The following HERC1 variants were observed in gnomAD, a reference collection of about 807,000 sequenced individuals.
The protein encoded by HERC1 is probable E3 ubiquitin-protein ligase HERC1.
A neutral mutation model predicts 554.3 loss-of-function variants in HERC1; 160 were observed. The observed-to-expected ratio is 0.29, with a 90% CI of 0.25 to 0.33. The LOEUF is 0.33. HERC1 is among the 10% of genes least tolerant of loss of function. HERC1 has a pLI of 1.00. For missense variants in HERC1, 4,919 were observed against 5,918.5 expected, an observed-to-expected ratio of 0.83 and a Z score of 5.54; for synonymous variants, 2,175 against 2,131.7, an observed-to-expected ratio of 1.02 and a Z score of -0.56.
intron 33 of HERC1, among the ~76,000 whole-genome samples, chr15:63,689,254 G>A (rs1001074282): frequency 3.3e-5 from 5 of 152,186 alleles, no homozygotes; most frequent in South Asian, 2.1e-4. Context: ...ATTTAATTTC[G>A]TACTTTGATA....
intron 68 of HERC1, 193 bp downstream of exon 68, chr15:63,632,516 G>C (rs2068607080): frequency 1.5e-6 from 1 of 664,658 alleles, no homozygotes; most frequent in Admixed American, 2.2e-5. Flanking sequence ...GGTCTTAATG[G>C]GGAGGGGAGT....
chr15:63,822,972 A>G (rs1341246170), intron 1 of HERC1, among the ~76,000 whole-genome samples: 1 of 152,256 alleles, frequency 6.6e-6, no homozygotes, highest in Non-Finnish European at 1.5e-5. Context: ...GCAGATTCAG[A>G]GGAAATAATG....
intron 12 of HERC1, among the ~76,000 whole-genome samples, chr15:63,743,827 T>C (rs1420050304): frequency 6.6e-6 from 1 of 152,190 alleles, no homozygotes; most frequent in Non-Finnish European, 1.5e-5. Context: ...GGTGCCTTCT[T>C]TGGTTCATTT....
intron 12 of HERC1, among the ~76,000 whole-genome samples, chr15:63,744,126 G>T (rs1291915265): frequency 1.6e-5 from 1 of 63,220 alleles, no homozygotes; most frequent in African/African-American, 5.1e-5. Context: ...GTGTGTGTGT[G>T]TGTGTGTGTG....
intron 57 of HERC1, among the ~76,000 whole-genome samples, chr15:63,644,137 C>T (rs1047097434): frequency 6.6e-6 from 1 of 152,174 alleles, no homozygotes; most frequent in Non-Finnish European, 1.5e-5. Context: ...CTACTCCTTC[C>T]CTCCCTCTCC....
At position 63,641,524 on chromosome 15, in the gene HERC1, T is replaced by C; in HGVS notation, c.11553A>G (p.Arg3851=). The C allele has an allele frequency of 6.2e-7, 1 of 1,613,494 alleles. No individual in the cohort carries two copies. ...TCATGGGGAGCCGCTCCAAAAATGC[T>C]CTCATGCAGGGAGCCATGTTCAATC... ...VLGLNMAPCM[R]AFLERLPMML... Residue 3851 remains arginine, a synonymous_variant, in exon 60 of 78, where the codon AGA becomes AGG. Transcript: ENST00000443617.
chr15:63,818,803 T>C (rs778486695), intron 1 of HERC1, among the ~76,000 whole-genome samples: 1 of 152,226 alleles, frequency 6.6e-6, no homozygotes, highest in Non-Finnish European at 1.5e-5. Context: ...CCAGACTTTC[T>C]TTTTCAACTT....
chr15:63,640,578 T>A, intron 60 of HERC1, 133 bp from the exon 61 acceptor site: 1 of 766,858 alleles, frequency 1.3e-6, no homozygotes, highest in East Asian at 2.7e-5. Flanking sequence ...GGAAATAATT[T>A]TAGATTTAGA....
chr15:63,796,891 T>C (rs2076830500), intron 1 of HERC1, among the ~76,000 whole-genome samples: 1 of 152,204 alleles, frequency 6.6e-6, no homozygotes, highest in Non-Finnish European at 1.5e-5. Flanking sequence ...GAACAGATTG[T>C]AAATGTTTCT....
chr15:63,729,105 G>C (rs1244488923), intron 16 of HERC1, 131 bp downstream of exon 16: 9 of 841,044 alleles, frequency 1.1e-5, no homozygotes, highest in South Asian at 2.0e-5. Context: ...CAAGACTAAA[G>C]GAATCTTCAA....
Position 63,645,650 on chromosome 15 carries a change from T to C in HERC1, c.10911A>G (p.Thr3637=), listed in dbSNP as rs1595884613. The change falls in exon 56 of 78, where the codon ACA becomes ACG. Residue 3637 remains threonine, a synonymous_variant. Transcript: ENST00000443617. ...DTLISMKWDP[T]GHILMTCAKE... The stretch of plus-strand genomic sequence containing the variant: ...TGGCACATGTCATAAGAATATGACC[T>C]GTAGGGTCCCACTTCATGCTAATAA... 1.9e-6 allele frequency: 3 copies of C among 1,603,938 alleles called. No individual in the cohort carries two copies. The East Asian group carries it at 6.7e-5, about 36-fold the overall frequency.
chr15:63,649,902 G>C lies in HERC1; in HGVS notation c.10570C>G (p.Gln3524Glu). Residue 3524 changes from glutamine to glutamate, a missense_variant, in exon 54 of 78, where the codon CAG (glutamine) becomes GAG (glutamate). Transcript: ENST00000443617. ...GCCAGGGCAGATACCCAATGAGGCT[G>C]AATATCTACTAATCCTTTTCCTCCT... is the stretch of plus-strand genomic sequence containing the variant. ...VNGGKGLVDI[Q>E]PHWVSALAWP... 1 of 1,608,706 alleles carries C rather than the reference G, an allele frequency of 6.2e-7. No homozygotes were observed. The highest frequency in any genetic ancestry group is 8.5e-7 in the Non-Finnish European group (1 of 1,177,290).
At position 63,622,826 on chromosome 15, in the gene HERC1, G is replaced by A; in HGVS notation, c.13677C>T (p.Tyr4559=). 1 of 1,604,980 alleles carries A rather than the reference G, an allele frequency of 6.2e-7. No homozygotes were observed. Among genetic ancestry groups the A allele is most frequent in the Non-Finnish European group, 8.5e-7 (1 of 1,175,924 alleles). The change falls in exon 74 of 78, where the codon TAC becomes TAT. Residue 4559 remains tyrosine (Y), a synonymous_variant. Coordinates refer to ENST00000443617, the MANE Select transcript of HERC1 (RefSeq NM_003922.4). ...GCTGACTGCCATACCTGTCCCTATTGTAACCCACTTCTGCGGTGGCATTGG... is the reference window on the plus strand; with the variant it reads ...GCTGACTGCCATACCTGTCCCTATTATAACCCACTTCTGCGGTGGCATTGG... The part of the protein sequence containing the change: ...PSPNATAEVG[Y]NRDRFLFNPS...
chr15:63,733,610 T>C (rs1397539067), intron 13 of HERC1, among the ~76,000 whole-genome samples: 1 of 152,212 alleles, frequency 6.6e-6, no homozygotes, highest in Non-Finnish European at 1.5e-5. Flanking sequence ...CACAGCACTT[T>C]GGGAGGCCAA....
chr15:63,687,813 G>A (rs1035731572), intron 33 of HERC1, among the ~76,000 whole-genome samples: 5 of 152,202 alleles, frequency 3.3e-5, no homozygotes, highest in African/African-American at 1.2e-4. Context: ...CTGAAGATGT[G>A]ATAACTGAGA....
intron 55 of HERC1, among the ~76,000 whole-genome samples, chr15:63,645,977 G>A (rs2069316965): frequency 6.6e-6 from 1 of 152,042 alleles, no homozygotes; most frequent in African/African-American, 2.4e-5. Flanking sequence ...TCTCTCATTA[G>A]CATTTGTATT....
intron 39 of HERC1, among the ~76,000 whole-genome samples, chr15:63,670,005 A>C (rs1011602159): frequency 2.0e-5 from 3 of 152,256 alleles, no homozygotes; most frequent in Non-Finnish European, 4.4e-5. Context: ...TTCAACTATA[A>C]TACCAAGATA....
chr15:63,637,479 CA>C, intron 64 of HERC1, 25 bp downstream of exon 64: 1 of 1,555,934 alleles, frequency 6.4e-7, no homozygotes. Context: ...AGGTTCTAAC[CA>C]TCTTTTTATT....
intron 51 of HERC1, 88 bp from the exon 52 acceptor site, chr15:63,652,629 A>G: frequency 1.8e-6 from 2 of 1,098,824 alleles, no homozygotes; most frequent in Non-Finnish European, 2.6e-6. Context: ...TTAAAAATCT[A>G]CCATGAAATT....
Sources: gnomAD v4.1 joint callset for allele counts (sites outside exome capture counted in the v4.1 genomes callset) on GRCh38, gnomAD v4.1.1 for gene constraint, MANE v1.5 for transcripts, NCBI Gene and HGNC (gene_info 2026-07-23, HGNC 2026-07-21) for gene names.